Variants in REPS1 observed in about 807,000 individuals in gnomAD.
The protein encoded by REPS1 is ralBP1-associated Eps domain-containing protein 1.
In REPS1, 39 loss-of-function variants were observed where a neutral mutation model predicts 100.9. That is an observed-to-expected ratio of 0.39 (90% confidence interval 0.30 to 0.50). REPS1 has a LOEUF of 0.50. Ranked by LOEUF, REPS1 falls within the 20% of genes least tolerant of loss-of-function variation. The pLI is 0.86. For synonymous variants in REPS1, 324 were observed against 340.3 expected (o/e 0.95, Z 0.53); for missense variants, 821 against 968.5 (o/e 0.85, Z 2.02).
chr6:138,983,391 G>T (rs1448066264), intron 1 of REPS1, among the ~76,000 whole-genome samples: 1 of 152,134 alleles, frequency 6.6e-6, no homozygotes, highest in Admixed American at 6.5e-5. Flanking sequence ...GGAGGTGGAG[G>T]TTGCAGTGAG....
At chr6:138,959,938 G>C (rs979389956) in intron 1 of REPS1, among the ~76,000 whole-genome samples, 10 of 152,306 alleles carry the variant, frequency 6.6e-5, no homozygotes, top group African/African-American at 2.4e-4. Flanking sequence ...TTCAACGCCA[G>C]AGTAGTCTGA....
chr6:138,932,032 T>G (rs1166123576), intron 8 of REPS1, among the ~76,000 whole-genome samples: 3 of 152,192 alleles, frequency 2.0e-5, no homozygotes, highest in Non-Finnish European at 4.4e-5. Context: ...TAGGGCAATC[T>G]GCAAGTCCTG....
At position 138,987,753 on chromosome 6, in the gene REPS1, G is replaced by C. The variant is rs1201742885; in HGVS notation, c.-71C>G. ...GGGCCCGGCCCCAGGAACCTGGGCCGGCAGGGGCTGCGCGTGGCCCGGCCT... is the reference window on the plus strand; with the variant it reads ...GGGCCCGGCCCCAGGAACCTGGGCCCGCAGGGGCTGCGCGTGGCCCGGCCT... On this transcript the variant is annotated 5_prime_UTR_variant, in exon 1 of 20. Transcript: ENST00000450536. The C allele has an allele frequency of 2.1e-6, 3 of 1,423,272 alleles. No homozygotes were observed. Among genetic ancestry groups the C allele is most frequent in the South Asian group, 3.0e-5 (2 of 66,326 alleles). The allele number at this position is 1,423,272 out of a possible 1,614,324, so 88.2% of individuals were successfully genotyped here.
intron 1 of REPS1, among the ~76,000 whole-genome samples, chr6:138,956,905 C>G (rs1050311622): frequency 6.6e-6 from 1 of 151,052 alleles, no homozygotes; most frequent in Non-Finnish European, 1.5e-5. Flanking sequence ...AAAACAAGAA[C>G]AAGATACTAT....
intron 1 of REPS1, among the ~76,000 whole-genome samples, chr6:138,967,987 G>C (rs182829887): frequency 1.3e-5 from 2 of 152,154 alleles, no homozygotes; most frequent in East Asian, 3.9e-4. Context: ...CTTAACTTAC[G>C]ATGGGGTCAC....
rs1779484998 is a variant in REPS1, at chr6:138,903,674, AAAAC to A, written c.*1386_*1389del. On this transcript the variant is annotated 3_prime_UTR_variant, in exon 20 of 20. Coordinates refer to ENST00000450536, the MANE Select transcript of REPS1 (RefSeq NM_001286611.2). ...ACAGCTGAGTAAAAATGTTTCTTTG[AAAAC>A]AAAGACACTCAGAAAAACAGGTGTT... 1 of 152,232 alleles carries A rather than the reference AAAAC, an allele frequency of 6.6e-6. No individual in the cohort carries two copies. The highest frequency in any genetic ancestry group is 1.5e-5 in the Non-Finnish European group (1 of 68,026). 9.4% of individuals were successfully genotyped at this position (152,232 alleles called of 1,614,324 possible). A position where few individuals can be genotyped will look rare whatever the true frequency, so the allele number is the denominator to read the frequency against.
rs760724612 is a variant in REPS1 at position 138,912,938 on chromosome 6, C to G, written c.1798G>C (p.Ala600Pro). 6.2e-7 allele frequency: 1 copy of G among 1,613,400 alleles called. No homozygotes were observed. The highest frequency in any genetic ancestry group is 1.3e-5 in the African/African-American group (1 of 74,892). ...RPQPSQAPGPAVHRPVDADGL... is the reference protein window; with the variant it reads ...RPQPSQAPGPPVHRPVDADGL... ...TCGGCATCCACTGGGCGATGCACAG[C>G]AGGACCAGGAGCCTGTGCAATGGTT... Residue 600 changes from alanine (A) to proline (P), a missense_variant, in exon 16 of 20, where the codon GCT becomes CCT. Transcript: ENST00000450536.
intron 9 of REPS1, chr6:138,928,295 T>G (rs187522620): frequency 7.9e-5 from 12 of 152,306 alleles, no homozygotes; most frequent in Admixed American, 7.8e-4. Flanking sequence ...CCATAAAGGT[T>G]AGAGATTATT....
intron 8 of REPS1, 128 bp downstream of exon 8, chr6:138,941,207 T>C (rs897937655): frequency 3.0e-6 from 3 of 1,001,118 alleles, no homozygotes; most frequent in African/African-American, 3.2e-5. Context: ...TGATGACAAA[T>C]CTATGTACAC....
chr6:138,954,193 G>A (rs1177476582), intron 1 of REPS1, among the ~76,000 whole-genome samples: 1 of 151,956 alleles, frequency 6.6e-6, no homozygotes, highest in Non-Finnish European at 1.5e-5. Context: ...GACAAAGGGA[G>A]GAATAAGGAG....
intron 1 of REPS1, among the ~76,000 whole-genome samples, chr6:138,965,525 T>G (rs1582838128): frequency 6.6e-6 from 1 of 152,288 alleles, no homozygotes; most frequent in South Asian, 2.1e-4. Flanking sequence ...TCCAATAAAA[T>G]TAATTTGATC....
chr6:138,935,867 G>GGGGGGGGGGGGGT (rs1781793001), intron 8 of REPS1, among the ~76,000 whole-genome samples: 1 of 53,810 alleles, frequency 1.9e-5, no homozygotes, highest in African/African-American at 1.0e-4. Flanking sequence ...GGGGGGGGGG[G>GGGGGGGGGGGGGT]GCGCGGGGGA....
chr6:138,956,616 C>A (rs773013861), intron 1 of REPS1, among the ~76,000 whole-genome samples: 52 of 152,128 alleles, frequency 3.4e-4, no homozygotes, highest in South Asian at 1.5e-3. Context: ...ACCTGACCCA[C>A]CCCACCTAAA....
chr6:138,945,414 C>T lies in REPS1; in HGVS notation c.475-42G>A, dbSNP rs566172202. On this transcript the variant is annotated intron_variant, in intron 3 of 19. Coordinates refer to ENST00000450536, the MANE Select transcript of REPS1 (RefSeq NM_001286611.2). The stretch of plus-strand genomic sequence containing the variant: ...TTTTAAAATTTTAACTTTAAGGAGA[C>T]ATTTTAATTATTAAGCTACCAATAA... 4.0e-4 allele frequency: 637 copies of T among 1,585,890 alleles called. 10 individuals carry two copies. The South Asian group carries it at 7.0e-3, about 17-fold the overall frequency.
intron 10 of REPS1, among the ~76,000 whole-genome samples, chr6:138,921,718 T>C (rs947165848): frequency 1.3e-5 from 2 of 151,762 alleles, no homozygotes; most frequent in African/African-American, 4.8e-5. Context: ...GCTGGGATTA[T>C]AGGCACCTGC....
chr6:138,987,856 G>C lies in REPS1; in HGVS notation c.-174C>G. On this transcript the variant is annotated 5_prime_UTR_variant, in exon 1 of 20. Coordinates refer to ENST00000450536, the MANE Select transcript of REPS1 (RefSeq NM_001286611.2). ...CCGAGCAACAGGGCCCGGAGGTCGCGAGGAGGGGGCCCGGCTGCGCTCGCC... is the reference window on the plus strand; with the variant it reads ...CCGAGCAACAGGGCCCGGAGGTCGCCAGGAGGGGGCCCGGCTGCGCTCGCC... 1.5e-6 allele frequency: 1 copy of C among 675,902 alleles called. No homozygotes were observed. Among genetic ancestry groups the C allele is most frequent in the Non-Finnish European group, 2.1e-6 (1 of 480,766 alleles). 41.9% of individuals were successfully genotyped at this position (675,902 alleles called of 1,614,324 possible). A position where few individuals can be genotyped will look rare whatever the true frequency, so the allele number is the denominator to read the frequency against.
chr6:138,963,375 T>C (rs1157086110), intron 1 of REPS1, among the ~76,000 whole-genome samples: 6 of 152,150 alleles, frequency 3.9e-5, no homozygotes, highest in African/African-American at 1.4e-4. Context: ...GGCAGGACTA[T>C]GGCTTAGGTA....
chr6:138,920,218 C>A lies in REPS1; in HGVS notation c.1525G>T (p.Val509Leu). The A allele has an allele frequency of 6.7e-7, 1 of 1,483,626 alleles. No individual in the cohort carries two copies. The highest frequency in any genetic ancestry group is 1.7e-4 in the Middle Eastern group (1 of 5,808). The allele number at this position is 1,483,626 out of a possible 1,614,324, so 91.9% of individuals were successfully genotyped here. Reference protein sequence around the residue: ...SSVKFASGNTVADGYSSSDSF... With the variant: ...SSVKFASGNTLADGYSSSDSF... Reference sequence around the variant, plus strand: ...GAAGATGTAATACTTCACTTACCTACAGTATTACCAGAAGCGAATTTCACC... The same window carrying A: ...GAAGATGTAATACTTCACTTACCTAAAGTATTACCAGAAGCGAATTTCACC... Residue 509 changes from valine to leucine, a missense_variant, in exon 12 of 20, where the codon GTA (valine) becomes TTA (leucine). By Grantham distance (32) the Val-to-Leu change is conservative (BLOSUM62 1). Coordinates refer to ENST00000450536, the MANE Select transcript of REPS1 (RefSeq NM_001286611.2).
chr6:138,905,186 A>C, intron 19 of REPS1, 54 bp from the exon 20 acceptor site: 5 of 1,111,986 alleles, frequency 4.5e-6, no homozygotes, highest in Non-Finnish European at 6.9e-6. Context: ...AAATGAAGAA[A>C]TATCTAACAA....
Sources: gnomAD v4.1 joint callset for allele counts (sites outside exome capture counted in the v4.1 genomes callset) on GRCh38, gnomAD v4.1.1 for gene constraint, MANE v1.5 for transcripts, NCBI Gene and HGNC (gene_info 2026-07-23, HGNC 2026-07-21) for gene names.